NUAK1: variants seen among roughly 807,000 people sequenced by gnomAD.
NUAK1 encodes the protein NUAK family kinase 1.
In NUAK1, 26 loss-of-function variants were observed where a neutral mutation model predicts 56.9. That is an observed-to-expected ratio of 0.46 (90% CI 0.33 to 0.63). The LOEUF is 0.63. Among genes scored for constraint, NUAK1 ranks in the 30% least tolerant of loss-of-function variants. The pLI, the probability that NUAK1 is intolerant of heterozygous loss-of-function variation, is 0.02. For synonymous variants in NUAK1, 337 were observed against 336.0 expected, an observed-to-expected ratio of 1.00 and a Z score of -0.03; for missense variants, 727 against 876.1, an observed-to-expected ratio of 0.83 and a Z score of 2.15.
At chr12:106,074,755 A>G (rs2032443340) in intron 4 of NUAK1, among the ~76,000 whole-genome samples, 1 of 152,140 alleles carries the variant, frequency 6.6e-6, no homozygotes, top group African/African-American at 2.4e-5. Context: ...CCCTAGAAGC[A>G]GCCTATTTTG....
At chr12:106,097,019 G>A (rs940869785) in intron 2 of NUAK1, among the ~76,000 whole-genome samples, 1 of 152,192 alleles carries the variant, frequency 6.6e-6, no homozygotes, top group Admixed American at 6.5e-5. Context: ...ACTCCAGCCA[G>A]AAAGGACATC....
intron 1 of NUAK1, among the ~76,000 whole-genome samples, chr12:106,131,312 C>T (rs959480442): frequency 6.6e-6 from 1 of 152,174 alleles, no homozygotes; most frequent in Non-Finnish European, 1.5e-5. Flanking sequence ...CAGCACCCCC[C>T]AGAAAACTCC....
chr12:106,110,504 C>T (rs1388628117), intron 1 of NUAK1, among the ~76,000 whole-genome samples: 1 of 152,158 alleles, frequency 6.6e-6, no homozygotes, highest in Admixed American at 6.5e-5. Flanking sequence ...ACCTCCTCTC[C>T]AGTTTTCCTC....
chr12:106,100,542 G>C (rs1177880004), intron 2 of NUAK1, among the ~76,000 whole-genome samples: 3 of 152,214 alleles, frequency 2.0e-5, no homozygotes, highest in Non-Finnish European at 4.4e-5. Context: ...TCACTTTGTT[G>C]ACTCTCTGTC....
chr12:106,118,407 G>A (rs1404683824), intron 1 of NUAK1, among the ~76,000 whole-genome samples: 2 of 152,238 alleles, frequency 1.3e-5, no homozygotes, highest in African/African-American at 2.4e-5. Context: ...TATGTGGTAA[G>A]GAAGAAAACA....
Position 106,134,041 on chromosome 12 carries a change from T to C in NUAK1, c.240+4373A>G, listed in dbSNP as rs1007311191. ...GAGTGAGGCCCATGTCTTTCTCTAG[T>C]AAAGATTTATTAAATGAGTGATGGA... is the stretch of plus-strand genomic sequence containing the variant. On this transcript the variant is annotated intron_variant, in intron 1 of 6. Transcript: ENST00000261402. Among the ~76,000 whole-genome samples, 4 of 152,190 alleles carry C rather than the reference T, an allele frequency of 2.6e-5. 1 individual carries two copies. The highest frequency in any genetic ancestry group is 4.1e-4 in the South Asian group (2 of 4,824).
intron 2 of NUAK1, among the ~76,000 whole-genome samples, chr12:106,091,036 A>T (rs572154859): frequency 1.3e-5 from 2 of 152,336 alleles, no homozygotes; most frequent in African/African-American, 4.8e-5. Context: ...GCTTAAGGTC[A>T]CTATCTACAA....
chr12:106,104,049 T>C (rs993744529), intron 2 of NUAK1: 2 of 151,310 alleles, frequency 1.3e-5, no homozygotes, highest in Non-Finnish European at 2.9e-5. Flanking sequence ...ACTCTTTCCA[T>C]ACTGCCTTGT....
rs148027452 is a variant in NUAK1, at chr12:106,099,314, A to T, written c.361+7091T>A. ...GTGATTATATAAAAATCAAATTTTC[A>T]TGGTGTTCTGCAGTTTAGAAAACAC... On this transcript the variant is annotated intron_variant, in intron 2 of 6. Transcript: ENST00000261402. Among the ~76,000 whole-genome samples the T allele has an allele frequency of 1.4e-3, 208 of 152,366 alleles. 1 individual carries two copies. Among genetic ancestry groups the T allele is most frequent in the African/African-American group, 4.6e-3 (192 of 41,594 alleles).
intron 1 of NUAK1, among the ~76,000 whole-genome samples, chr12:106,114,896 C>T (rs1198509250): frequency 1.3e-5 from 2 of 152,194 alleles, no homozygotes; most frequent in Non-Finnish European, 2.9e-5. Flanking sequence ...GCTGACAAAT[C>T]ATGACTTGTG....
chr12:106,130,877 C>G (rs1265032116), intron 1 of NUAK1, among the ~76,000 whole-genome samples: 2 of 152,208 alleles, frequency 1.3e-5, no homozygotes, highest in African/African-American at 2.4e-5. Flanking sequence ...CACCTCGGTG[C>G]TTCCTCTCAA....
chr12:106,067,954 A>T lies in NUAK1; in HGVS notation c.834T>A (p.Asp278Glu). 6.3e-7 allele frequency: 1 copy of T among 1,599,016 alleles called. No individual in the cohort carries two copies. Among genetic ancestry groups the T allele is most frequent in the Non-Finnish European group, 8.5e-7 (1 of 1,170,810 alleles). ...GEYREPTQPS[D>E]ARGLIRWMLM... Reference sequence around the variant, plus strand: ...GCATCCACCGTATGAGTCCTCGAGCATCTAAGGGACAAGGGACAAAAAGAA... The same window carrying T: ...GCATCCACCGTATGAGTCCTCGAGCTTCTAAGGGACAAGGGACAAAAAGAA... Residue 278 changes from aspartate (D) to glutamate (E), a missense_variant and splice_region_variant, in exon 7 of 7, where the codon GAT (aspartate) becomes GAA (glutamate). Coordinates refer to ENST00000261402, the MANE Select transcript of NUAK1 (RefSeq NM_014840.3). This position sits in a 1 kb window ranked among gnomAD's most constrained non-coding sequence, Gnocchi z 6.0.
intron 1 of NUAK1, among the ~76,000 whole-genome samples, chr12:106,135,307 G>A (rs549765435): frequency 2.9e-4 from 44 of 152,322 alleles, no homozygotes; most frequent in Non-Finnish European, 2.8e-4. Context: ...CTGGTCTCAC[G>A]GACATGCTTT....
rs115438013 is a variant in NUAK1, at chr12:106,133,160, C to G, written c.240+5254G>C. On this transcript the variant is annotated intron_variant, in intron 1 of 6. Coordinates refer to ENST00000261402, the MANE Select transcript of NUAK1 (RefSeq NM_014840.3). ...ATCCTGCCCTCCCATTGTGTCCCAG[C>G]ACAAACCCTGCATTCCAAGCCACCT... 3.4e-3 allele frequency among the ~76,000 whole-genome samples: 520 copies of G among 152,302 alleles called. 1 individual carries two copies. Among genetic ancestry groups the G allele is most frequent in the African/African-American group, 0.012 (481 of 41,556 alleles).
intron 2 of NUAK1, among the ~76,000 whole-genome samples, chr12:106,098,810 T>C (rs1439944051): frequency 6.6e-6 from 1 of 152,220 alleles, no homozygotes; most frequent in Admixed American, 6.5e-5. Context: ...AGTGCGCCTT[T>C]GATGTTTGAA....
At chr12:106,083,724 A>G (rs1443311794) in intron 4 of NUAK1, 140 bp downstream of exon 4, 3 of 696,068 alleles carry the variant, frequency 4.3e-6, no homozygotes, top group Non-Finnish European at 7.7e-6. Flanking sequence ...TTGGAGCTCA[A>G]GCAAAGAGAC....
intron 2 of NUAK1, among the ~76,000 whole-genome samples, chr12:106,090,748 A>G (rs998279891): frequency 6.6e-6 from 1 of 152,174 alleles, no homozygotes; most frequent in Non-Finnish European, 1.5e-5. Context: ...CCAGTGCTCA[A>G]CGAATGGAAG....
At chr12:106,121,868 C>A (rs2032979987) in intron 1 of NUAK1, among the ~76,000 whole-genome samples, 1 of 152,224 alleles carries the variant, frequency 6.6e-6, no homozygotes. Flanking sequence ...AACACACACA[C>A]ATGCACACAC....
At chr12:106,114,179 G>T (rs773427177) in intron 1 of NUAK1, among the ~76,000 whole-genome samples, 9 of 152,230 alleles carry the variant, frequency 5.9e-5, no homozygotes, top group Non-Finnish European at 1.0e-4. Context: ...TCAACTGGTA[G>T]CATCTGATCA....
Sources: allele counts gnomAD v4.1 joint callset (sites outside exome capture counted in the v4.1 genomes callset), GRCh38; gene constraint gnomAD v4.1.1; non-coding constraint Gnocchi (gnomAD v3.1); transcripts MANE v1.5; gene names NCBI Gene and HGNC (gene_info 2026-07-23, HGNC 2026-07-21).